The following FLT1 variants were observed in gnomAD, a reference collection of about 807,000 sequenced individuals.
FLT1 encodes fms related receptor tyrosine kinase 1.
FLT1 carries 49 observed loss-of-function variants against 156.3 expected under a neutral mutation model. The observed-to-expected ratio is 0.31, with a 90% CI of 0.25 to 0.40. The LOEUF is 0.40. FLT1 is among the 10% of genes least tolerant of loss of function. The pLI, the probability that FLT1 is intolerant of heterozygous loss-of-function variation, is 1.00. For synonymous variants in FLT1, 594 were observed against 583.8 expected (o/e 1.02, Z -0.25); for missense variants, 1,322 against 1,637.2 (o/e 0.81, Z 3.32).
intron 14 of FLT1, among the ~76,000 whole-genome samples, chr13:28,369,869 A>G (rs916592516): frequency 6.6e-6 from 1 of 151,962 alleles, no homozygotes; most frequent in Admixed American, 6.6e-5. Context: ...AAGAACAGGA[A>G]CACTTAGAAA....
In FLT1 at chr13:28,455,900, A is replaced by G. The variant is rs140695940; in HGVS notation, c.388+11003T>C. ...CCACGTCATGTCATTGGGAAAATGCAAACTAAAATAACAATGAGAGACCAT... is the reference window on the plus strand; with the variant it reads ...CCACGTCATGTCATTGGGAAAATGCGAACTAAAATAACAATGAGAGACCAT... On this transcript the variant is annotated intron_variant, in intron 3 of 29. Transcript: ENST00000282397. Among the ~76,000 whole-genome samples the G allele has an allele frequency of 4.5e-3, 682 of 152,362 alleles. 8 individuals are homozygous for G. Among genetic ancestry groups the G allele is most frequent in the African/African-American group, 0.015 (614 of 41,588 alleles).
intron 6 of FLT1, among the ~76,000 whole-genome samples, chr13:28,432,292 A>G (rs977684659): frequency 1.3e-5 from 2 of 151,894 alleles, no homozygotes; most frequent in Non-Finnish European, 2.9e-5. Context: ...ACTTCTACCC[A>G]CCTGTCCTTT....
chr13:28,429,974 T>A, intron 8 of FLT1, 76 bp downstream of exon 8: 1 of 961,228 alleles, frequency 1.0e-6, no homozygotes, highest in Non-Finnish European at 1.7e-6. Flanking sequence ...TGTCAGGAAT[T>A]CGAGTCATTA....
intron 24 of FLT1, 103 bp downstream of exon 24, chr13:28,319,320 A>G (rs1234402267): frequency 9.1e-6 from 7 of 767,382 alleles, no homozygotes; most frequent in African/African-American, 1.7e-5. Flanking sequence ...GTTTTTTGTT[A>G]CAGTAGGTTC....
At chr13:28,383,889 T>C (rs1295775661) in intron 14 of FLT1, among the ~76,000 whole-genome samples, 1 of 152,054 alleles carries the variant, frequency 6.6e-6, no homozygotes, top group African/African-American at 2.4e-5. Flanking sequence ...TGCAGGAAGG[T>C]ATGTGTAGGT....
chr13:28,469,982 G>A (rs902805611), intron 1 of FLT1, among the ~76,000 whole-genome samples: 10 of 152,112 alleles, frequency 6.6e-5, no homozygotes, highest in African/African-American at 2.4e-4. Flanking sequence ...TTGAACTCCT[G>A]ACCTCAGGTG....
At chr13:28,358,482 AAGGATTACT>A (rs1453940114) in intron 14 of FLT1, among the ~76,000 whole-genome samples, 3 of 152,208 alleles carry the variant, frequency 2.0e-5, no homozygotes, top group African/African-American at 7.2e-5. Context: ...ATGTAAGCTT[AAGGATTACT>A]ACAGAGCACA....
At chr13:28,357,332 C>T (rs1308226368) in intron 15 of FLT1, among the ~76,000 whole-genome samples, 1 of 152,100 alleles carries the variant, frequency 6.6e-6, no homozygotes, top group Non-Finnish European at 1.5e-5. Flanking sequence ...ACACTGTGTT[C>T]GGATTTTGGG....
intron 13 of FLT1, chr13:28,387,373 T>C: frequency 9.5e-7 from 1 of 1,050,950 alleles, no homozygotes; most frequent in Non-Finnish European, 1.1e-6. Context: ...ATAATCTATT[T>C]TGACATTTTG....
At chr13:28,337,015 T>G (rs1872144777) in intron 17 of FLT1, among the ~76,000 whole-genome samples, 1 of 152,150 alleles carries the variant, frequency 6.6e-6, no homozygotes, top group Non-Finnish European at 1.5e-5. Context: ...CCCAAAGCAC[T>G]GAGATTACAA....
At chr13:28,481,429 C>T (rs954245551) in intron 1 of FLT1, among the ~76,000 whole-genome samples, 2 of 149,980 alleles carry the variant, frequency 1.3e-5, no homozygotes, top group South Asian at 4.2e-4. Context: ...TTTCTCCTAA[C>T]CTCCTCCGCT....
At chr13:28,445,507 A>C (rs1878567167) in intron 3 of FLT1, among the ~76,000 whole-genome samples, 1 of 152,138 alleles carries the variant, frequency 6.6e-6, no homozygotes, top group Non-Finnish European at 1.5e-5. Context: ...TTAAAATTAT[A>C]AATTAAAAAG....
chr13:28,402,071 A>T (rs886989704), intron 11 of FLT1, among the ~76,000 whole-genome samples: 1 of 152,196 alleles, frequency 6.6e-6, no homozygotes, highest in Non-Finnish European at 1.5e-5. Flanking sequence ...CTCACTTTTC[A>T]CAAATCTGGG....
chr13:28,452,606 C>G (rs1879012665), intron 3 of FLT1, among the ~76,000 whole-genome samples: 1 of 152,098 alleles, frequency 6.6e-6, no homozygotes, highest in Non-Finnish European at 1.5e-5. Flanking sequence ...GAAAGTGTTT[C>G]CTTAAGTCAA....
chr13:28,454,446 T>TTGATTATGGGAGG (rs1187510122), intron 3 of FLT1, among the ~76,000 whole-genome samples: 2 of 152,252 alleles, frequency 1.3e-5, no homozygotes, highest in African/African-American at 4.8e-5. Flanking sequence ...ATATGCACTC[T>TTGATTATGGGAGG]TGATTATGGG....
chr13:28,384,635 C>T (rs1318995753), intron 14 of FLT1, among the ~76,000 whole-genome samples: 1 of 152,104 alleles, frequency 6.6e-6, no homozygotes, highest in Non-Finnish European at 1.5e-5. Context: ...TTTCTGAATG[C>T]ACTATTTAAA....
intron 11 of FLT1, among the ~76,000 whole-genome samples, chr13:28,405,019 C>CAAAAA (rs762428024): frequency 6.3e-5 from 6 of 94,602 alleles, no homozygotes; most frequent in Admixed American, 1.0e-4. Context: ...GACTCCATCT[C>CAAAAA]AAAAAAAAAA....
chr13:28,333,885 G>A (rs563279334), intron 18 of FLT1, 140 bp downstream of exon 18: 1 of 737,830 alleles, frequency 1.4e-6, no homozygotes, highest in African/African-American at 1.7e-5. Flanking sequence ...GAGCAAAGAG[G>A]CCTCTAGCAG....
At chr13:28,385,419 A>G (rs2137450365) in intron 13 of FLT1, 1 of 688,414 alleles carries the variant, frequency 1.5e-6, no homozygotes, top group African/African-American at 1.9e-5. Flanking sequence ...TTTTATATAA[A>G]TATATAGTGC....
Sources: gnomAD v4.1 joint callset for allele counts (sites outside exome capture counted in the v4.1 genomes callset) on GRCh38, gnomAD v4.1.1 for gene constraint, MANE v1.5 for transcripts, NCBI Gene and HGNC (gene_info 2026-07-23, HGNC 2026-07-21) for gene names.